Variants in IMMP2L observed in about 807,000 individuals in gnomAD.
The protein encoded by IMMP2L is inner mitochondrial membrane peptidase subunit 2, also known as mitochondrial inner membrane protease subunit 2.
In IMMP2L, 18 loss-of-function variants were observed where a neutral mutation model predicts 19.3. The observed-to-expected ratio is 0.93, with a 90% confidence interval of 0.64 to 1.38. IMMP2L has a LOEUF of 1.38. Ranked by LOEUF, IMMP2L falls within the 40% of genes most tolerant of loss-of-function variation. The pLI is 0.00. For synonymous variants in IMMP2L, 76 were observed against 73.0 expected, an observed-to-expected ratio of 1.04 and a Z score of -0.21; for missense variants, 233 against 218.2, an observed-to-expected ratio of 1.07 and a Z score of -0.43.
At chr7:110,902,266 A>G (rs1419786292) in intron 4 of IMMP2L, among the ~76,000 whole-genome samples, 1 of 151,876 alleles carries the variant, frequency 6.6e-6, no homozygotes, top group Non-Finnish European at 1.5e-5. Context: ...AATGATATTA[A>G]CAGCCTACTA....
chr7:111,053,681 T>C (rs567151124), intron 3 of IMMP2L, among the ~76,000 whole-genome samples: 2 of 152,278 alleles, frequency 1.3e-5, no homozygotes, highest in East Asian at 1.9e-4. Flanking sequence ...CCTGATTAGC[T>C]ACCTACTGTA....
At chr7:111,512,126 CA>C (rs1029959718) in intron 2 of IMMP2L, among the ~76,000 whole-genome samples, 2 of 152,118 alleles carry the variant, frequency 1.3e-5, no homozygotes, top group African/African-American at 4.8e-5. Flanking sequence ...CATCAAAACC[CA>C]AACATTTATC....
chr7:111,326,467 G>A (rs1825329207), intron 3 of IMMP2L, among the ~76,000 whole-genome samples: 1 of 151,714 alleles, frequency 6.6e-6, no homozygotes, highest in Non-Finnish European at 1.5e-5. Context: ...ATTCTCAGTT[G>A]TCTCTTAAAC....
chr7:110,690,928 T>C (rs1187365700), intron 5 of IMMP2L, among the ~76,000 whole-genome samples: 1 of 151,988 alleles, frequency 6.6e-6, no homozygotes, highest in Non-Finnish European at 1.5e-5. Context: ...GCAATCCACA[T>C]CAAAATACCA....
At chr7:111,120,388 T>A (rs527469562) in intron 3 of IMMP2L, among the ~76,000 whole-genome samples, 6 of 152,078 alleles carry the variant, frequency 3.9e-5, no homozygotes, top group African/African-American at 1.4e-4. Flanking sequence ...CAAAAGACAT[T>A]TCCCCTATAA....
intron 3 of IMMP2L, among the ~76,000 whole-genome samples, chr7:111,066,896 A>G (rs1297065961): frequency 6.6e-6 from 1 of 152,228 alleles, no homozygotes; most frequent in East Asian, 1.9e-4. Flanking sequence ...AGAGACTGAG[A>G]TCAACCACAG....
At chr7:111,397,685 CT>C (rs1833010838) in intron 3 of IMMP2L, among the ~76,000 whole-genome samples, 2 of 152,120 alleles carry the variant, frequency 1.3e-5, no homozygotes, top group Non-Finnish European at 1.5e-5. Flanking sequence ...TTTTCATTTT[CT>C]TTTTTGAACT....
chr7:111,302,569 T>C (rs1385408613), intron 3 of IMMP2L, among the ~76,000 whole-genome samples: 2 of 152,106 alleles, frequency 1.3e-5, no homozygotes, highest in African/African-American at 4.8e-5. Flanking sequence ...GGAGGTGCTA[T>C]TACTGTTCCC....
chr7:111,442,839 T>C lies in IMMP2L; in HGVS notation c.239+44399A>G, dbSNP rs995861981. 3.3e-4 allele frequency among the ~76,000 whole-genome samples: 50 copies of C among 151,916 alleles called. 1 individual carries two copies. The highest frequency in any genetic ancestry group is 1.0e-3 in the African/African-American group (43 of 41,202). ...AGATTAAATTTGCCCATATAGTTAA[T>C]TGCCACTTCACAGCAAGTACTGTGA... is the stretch of plus-strand genomic sequence containing the variant. On this transcript the variant is annotated intron_variant, in intron 3 of 5. Coordinates refer to ENST00000405709, the MANE Select transcript of IMMP2L (RefSeq NM_032549.4).
At chr7:110,714,310 G>A (rs945898723) in intron 5 of IMMP2L, among the ~76,000 whole-genome samples, 10 of 152,164 alleles carry the variant, frequency 6.6e-5, no homozygotes, top group Non-Finnish European at 1.3e-4. Context: ...TTGATACACT[G>A]TTGGATTTTG....
chr7:111,058,881 C>T (rs778416694), intron 3 of IMMP2L, among the ~76,000 whole-genome samples: 23 of 152,278 alleles, frequency 1.5e-4, no homozygotes, highest in Non-Finnish European at 2.8e-4. Context: ...CTTGATTTTT[C>T]TTTAAAAAAT....
At chr7:110,989,949 C>T (rs1331367293) in intron 3 of IMMP2L, among the ~76,000 whole-genome samples, 1 of 151,756 alleles carries the variant, frequency 6.6e-6, no homozygotes, top group African/African-American at 2.4e-5. Context: ...AAACAAAAAC[C>T]GATGCTATTT....
At position 110,775,557 on chromosome 7, in the gene IMMP2L, G is replaced by T. The variant is rs1799327680; in HGVS notation, c.408+111036C>A. ...GTATTCCAAGACACACACAAAAAAT[G>T]TTGAATGTTTTAAACTTTCAAATAC... On this transcript the variant is annotated intron_variant, in intron 5 of 5. Transcript: ENST00000405709. 2.0e-5 allele frequency among the ~76,000 whole-genome samples: 3 copies of T among 152,062 alleles called. No individual in the cohort carries two copies. The South Asian group carries it at 6.2e-4, about 32-fold the overall frequency.
chr7:111,534,605 T>A (rs1847710117), intron 1 of IMMP2L, among the ~76,000 whole-genome samples: 2 of 152,184 alleles, frequency 1.3e-5, no homozygotes, highest in African/African-American at 4.8e-5. Flanking sequence ...CTTTATATAC[T>A]AAAACAAAAT....
Position 110,877,870 on chromosome 7 carries a change from C to T in IMMP2L, c.408+8723G>A, listed in dbSNP as rs951304048. 7.9e-5 allele frequency among the ~76,000 whole-genome samples: 12 copies of T among 151,786 alleles called. No individual in the cohort carries two copies. Among genetic ancestry groups the T allele is most frequent in the African/African-American group, 2.7e-4 (11 of 41,290 alleles). On this transcript the variant is annotated intron_variant, in intron 5 of 5. Coordinates refer to ENST00000405709, the MANE Select transcript of IMMP2L (RefSeq NM_032549.4). The surrounding 1 kb of genome is among the most constrained non-coding windows in gnomAD (Gnocchi z 4.0). Reference sequence around the variant, plus strand: ...ATAAAAAACTAACACCATTAAGGACCCAGACATATGTTTTTCCATATATTT... The same window carrying T: ...ATAAAAAACTAACACCATTAAGGACTCAGACATATGTTTTTCCATATATTT...
intron 5 of IMMP2L, among the ~76,000 whole-genome samples, chr7:110,678,013 C>T (rs1792440942): frequency 6.6e-6 from 1 of 152,112 alleles, no homozygotes. Context: ...CTTCATCCTC[C>T]CTGAACTCAC....
chr7:110,686,262 T>G (rs1276381409), intron 5 of IMMP2L, among the ~76,000 whole-genome samples: 5 of 152,100 alleles, frequency 3.3e-5, no homozygotes, highest in African/African-American at 1.2e-4. Flanking sequence ...GAGCACATTA[T>G]ACAATTTTGC....
intron 3 of IMMP2L, among the ~76,000 whole-genome samples, chr7:111,390,938 C>T (rs943779792): frequency 1.3e-5 from 2 of 152,026 alleles, no homozygotes; most frequent in African/African-American, 2.4e-5. Flanking sequence ...CAAGAGACCT[C>T]AATAATCAAC....
intron 5 of IMMP2L, among the ~76,000 whole-genome samples, chr7:110,853,147 C>A (rs1273099725): frequency 5.9e-5 from 9 of 151,970 alleles, no homozygotes; most frequent in African/African-American, 1.4e-4. Flanking sequence ...CACACACACA[C>A]ACAAACACAT....
Sources: gnomAD v4.1 joint callset for allele counts (sites outside exome capture counted in the v4.1 genomes callset) on GRCh38, gnomAD v4.1.1 for gene constraint, Gnocchi (gnomAD v3.1) non-coding constraint, MANE v1.5 for transcripts, NCBI Gene and HGNC (gene_info 2026-07-23, HGNC 2026-07-21) for gene names.